ANO3: variants seen among roughly 807,000 people sequenced by gnomAD.
The protein encoded by ANO3 is anoctamin 3.
ANO3 carries 99 observed loss-of-function variants against 144.8 expected under a neutral mutation model. The ratio of observed to expected loss-of-function variants is 0.68; its 90% CI spans 0.58 to 0.81. The LOEUF (loss-of-function observed/expected upper bound fraction) is 0.81, where lower values mean the gene tolerates loss of function less well. Among genes scored for constraint, ANO3 ranks in the 30% least tolerant of loss-of-function variants. The probability of loss-of-function intolerance (pLI) is 0.00; values close to 1 mark genes in which losing one functional copy is unlikely to be tolerated. For synonymous variants in ANO3, 414 were observed against 392.6 expected (o/e 1.05, Z -0.64); for missense variants, 905 against 1,202.2 (o/e 0.75, Z 3.66).
At chr11:26,256,606 A>G (rs1461399) in intron 1 of ANO3, among the ~76,000 whole-genome samples, 1 of 151,794 alleles carries the variant, frequency 6.6e-6, no homozygotes. Context: ...ACCCTATGAG[A>G]TTTTTGTAAT....
intron 14 of ANO3, chr11:26,572,151 C>G (rs528504400): frequency 3.0e-6 from 3 of 985,194 alleles, no homozygotes; most frequent in Non-Finnish European, 3.6e-6. Context: ...GTGACAATGT[C>G]GCACTGAGCA....
intron 1 of ANO3, among the ~76,000 whole-genome samples, chr11:26,409,460 T>C (rs545619615): frequency 5.2e-3 from 34 of 6,546 alleles, no homozygotes; most frequent in African/African-American, 5.6e-3. Context: ...GCACATGAAA[T>C]TGTTTTTTTC....
intron 4 of ANO3, among the ~76,000 whole-genome samples, chr11:26,469,083 G>C (rs1309309331): frequency 2.0e-5 from 3 of 151,826 alleles, no homozygotes; most frequent in Admixed American, 1.3e-4. Context: ...TGTTTTCAGA[G>C]TCTTTGTATT....
intron 14 of ANO3, among the ~76,000 whole-genome samples, chr11:26,585,240 CACAA>C (rs1228712222): frequency 1.3e-5 from 2 of 152,076 alleles, no homozygotes; most frequent in South Asian, 2.1e-4. Context: ...ATCCACTTCC[CACAA>C]ACAATTAGTA....
intron 1 of ANO3, among the ~76,000 whole-genome samples, chr11:26,192,742 A>C (rs1851502673): frequency 6.6e-6 from 1 of 152,122 alleles, no homozygotes; most frequent in Non-Finnish European, 1.5e-5. Flanking sequence ...CAGCCGAGAG[A>C]GAGCTGAATT....
chr11:26,527,104 G>A (rs929065363), intron 7 of ANO3, among the ~76,000 whole-genome samples: 1 of 152,038 alleles, frequency 6.6e-6, no homozygotes, highest in Non-Finnish European at 1.5e-5. Context: ...ACTTGGGAAA[G>A]TATATATTCT....
chr11:26,200,679 A>T (rs997629020), intron 1 of ANO3, among the ~76,000 whole-genome samples: 18 of 152,122 alleles, frequency 1.2e-4, no homozygotes, highest in African/African-American at 4.1e-4. Flanking sequence ...GAATATTACA[A>T]ACAAAATATT....
chr11:26,546,092 A>G (rs991815983), intron 11 of ANO3, among the ~76,000 whole-genome samples: 3 of 151,902 alleles, frequency 2.0e-5, no homozygotes, highest in Non-Finnish European at 2.9e-5. Context: ...CCAAAATCAT[A>G]AAGGTCCTCT....
intron 4 of ANO3, among the ~76,000 whole-genome samples, chr11:26,465,031 G>A (rs1221630351): frequency 6.6e-6 from 1 of 151,322 alleles, no homozygotes; most frequent in Non-Finnish European, 1.5e-5. Flanking sequence ...CCTCAAAAAA[G>A]CAATAATCTA....
At chr11:26,579,678 C>A (rs753498635) in intron 14 of ANO3, among the ~76,000 whole-genome samples, 3 of 152,078 alleles carry the variant, frequency 2.0e-5, no homozygotes, top group Non-Finnish European at 4.4e-5. Flanking sequence ...ATCTGCCTCA[C>A]TTTTTGTTTG....
chr11:26,545,034 A>G (rs412684), intron 11 of ANO3, among the ~76,000 whole-genome samples: 148,909 of 152,122 alleles, frequency 0.98, 72,962 homozygotes, highest in East Asian at 1. Context: ...TGGTAATGAG[A>G]CAAACATGGA....
intron 3 of ANO3, among the ~76,000 whole-genome samples, chr11:26,462,112 A>T (rs991069154): frequency 1.3e-5 from 2 of 151,986 alleles, no homozygotes; most frequent in African/African-American, 4.8e-5. Context: ...AAAGGAATGG[A>T]TATACTATAA....
At chr11:26,364,882 T>C (rs556341091) in intron 1 of ANO3, among the ~76,000 whole-genome samples, 1 of 152,284 alleles carries the variant, frequency 6.6e-6, no homozygotes, top group South Asian at 2.1e-4. Flanking sequence ...CCCTCTCCCA[T>C]TGCGAAATAC....
intron 14 of ANO3, among the ~76,000 whole-genome samples, chr11:26,582,251 G>A (rs1449989713): frequency 6.6e-6 from 1 of 152,192 alleles, no homozygotes; most frequent in Non-Finnish European, 1.5e-5. Context: ...TAAAGGTGAA[G>A]TCAGTAATTT....
chr11:26,310,198 C>T (rs1255179086), intron 1 of ANO3, among the ~76,000 whole-genome samples: 2 of 152,008 alleles, frequency 1.3e-5, no homozygotes, highest in Non-Finnish European at 2.9e-5. Context: ...CATAAAATCC[C>T]TGAATAGTTA....
chr11:26,576,991 C>T (rs764916249), intron 14 of ANO3, among the ~76,000 whole-genome samples: 3 of 147,584 alleles, frequency 2.0e-5, no homozygotes, highest in African/African-American at 7.7e-5. Context: ...TCAACGTTGG[C>T]CCATTCAGAT....
At position 26,342,914 on chromosome 11, in the gene ANO3, C is replaced by A. The variant is rs576048494; in HGVS notation, c.46+10593C>A. On this transcript the variant is annotated intron_variant, in intron 1 of 26. Coordinates refer to ENST00000256737, the MANE Select transcript of ANO3 (RefSeq NM_031418.4). Reference sequence around the variant, plus strand: ...ATTTAGGGTGTTTTATATGTTTTGACATACACATACTTTGTAAAATTATTA... The same window carrying A: ...ATTTAGGGTGTTTTATATGTTTTGAAATACACATACTTTGTAAAATTATTA... Among the ~76,000 whole-genome samples the A allele has an allele frequency of 2.2e-4, 34 of 152,128 alleles. No homozygotes were observed. The East Asian group carries it at 6.2e-3, about 28-fold the overall frequency.
At chr11:26,461,138 A>G (rs1400447413) in intron 3 of ANO3, among the ~76,000 whole-genome samples, 1 of 152,096 alleles carries the variant, frequency 6.6e-6, no homozygotes, top group African/African-American at 2.4e-5. Flanking sequence ...GAGAGTGCCT[A>G]CCGGGGGAAA....
At chr11:26,595,823 T>G (rs1197193321) in intron 14 of ANO3, among the ~76,000 whole-genome samples, 1 of 152,170 alleles carries the variant, frequency 6.6e-6, no homozygotes, top group African/African-American at 2.4e-5. Flanking sequence ...GTAAGCTACT[T>G]TTTTGCTTTT....
Sources: gnomAD v4.1 joint callset for allele counts (sites outside exome capture counted in the v4.1 genomes callset) on GRCh38, gnomAD v4.1.1 for gene constraint, MANE v1.5 for transcripts, NCBI Gene and HGNC (gene_info 2026-07-23, HGNC 2026-07-21) for gene names.